KCNK2: variants seen among roughly 807,000 people sequenced by gnomAD.
KCNK2 encodes the protein potassium two pore domain channel subfamily K member 2, also known as potassium channel subfamily K member 2.
In KCNK2, 21 loss-of-function variants were observed where a neutral mutation model predicts 40.5. That is an observed-to-expected ratio of 0.52 (90% CI 0.37 to 0.75). The LOEUF (loss-of-function observed/expected upper bound fraction) is 0.75, where lower values mean the gene tolerates loss of function less well. KCNK2 is among the 30% of genes least tolerant of loss of function. The probability of loss-of-function intolerance (pLI) is 0.00; values close to 1 mark genes in which losing one functional copy is unlikely to be tolerated. For missense variants in KCNK2, 399 were observed against 531.6 expected (o/e 0.75, Z 2.45); for synonymous variants, 191 against 202.2 (o/e 0.94, Z 0.47).
chr1:215,234,693 C>G (rs1294230593), intron 6 of KCNK2, 135 bp from the exon 7 acceptor site: 1 of 763,540 alleles, frequency 1.3e-6, no homozygotes, highest in African/African-American at 1.7e-5. Context: ...CATCAATTCT[C>G]AGACCACCAG....
intron 3 of KCNK2, among the ~76,000 whole-genome samples, chr1:215,165,427 A>G (rs1444930199): frequency 6.6e-6 from 1 of 152,158 alleles, no homozygotes; most frequent in East Asian, 1.9e-4. Flanking sequence ...AACATTCAGA[A>G]CATAGTGGAA....
Position 215,083,268 on chromosome 1 carries a change from C to T in KCNK2, c.-118C>T, listed in dbSNP as rs377170755. On this transcript the variant is annotated 5_prime_UTR_variant, in exon 1 of 7. Coordinates refer to ENST00000444842, the MANE Select transcript of KCNK2 (RefSeq NM_001017425.3). ...AAACAAAGCCGGGGAAAATGCCTGC[C>T]CGTGCAGCTCGGAGCGCGCAGCCCG... 5.8e-5 allele frequency: 93 copies of T among 1,612,146 alleles called. 1 individual carries two copies. In the South Asian group the frequency reaches 8.1e-4, roughly 14 times the overall value.
intron 3 of KCNK2, among the ~76,000 whole-genome samples, chr1:215,127,797 T>G (rs545104102): frequency 6.6e-6 from 1 of 152,322 alleles, no homozygotes; most frequent in African/African-American, 2.4e-5. Context: ...TTTTTGAAAC[T>G]AAAAACAAAT....
chr1:215,122,233 T>G (rs976561226), intron 2 of KCNK2, among the ~76,000 whole-genome samples: 1 of 152,162 alleles, frequency 6.6e-6, no homozygotes, highest in Non-Finnish European at 1.5e-5. Context: ...ACTTTTTCAT[T>G]TATAGATTTC....
At chr1:215,170,693 C>T (rs1321557832) in intron 4 of KCNK2, among the ~76,000 whole-genome samples, 1 of 151,950 alleles carries the variant, frequency 6.6e-6, no homozygotes, top group Non-Finnish European at 1.5e-5. Flanking sequence ...ACAGTTATTC[C>T]AAAATTGGAG....
chr1:215,141,889 C>G (rs958357015), intron 3 of KCNK2, among the ~76,000 whole-genome samples: 1 of 152,120 alleles, frequency 6.6e-6, no homozygotes, highest in Non-Finnish European at 1.5e-5. Context: ...ATTATAGTTT[C>G]AGCTATTCTA....
At chr1:215,022,679 C>T (rs1407215979) in intron 1 of KCNK2, among the ~76,000 whole-genome samples, 2 of 152,138 alleles carry the variant, frequency 1.3e-5, no homozygotes, top group African/African-American at 4.8e-5. Context: ...TGCAACCTTC[C>T]TTCTGCCTAA....
chr1:215,224,556 AT>A (rs201566432), intron 6 of KCNK2, among the ~76,000 whole-genome samples: 1,637 of 152,164 alleles, frequency 0.011, 29 homozygotes, highest in African/African-American at 0.036. Flanking sequence ...AATGAAAAAA[AT>A]TTTTTTTCAA....
chr1:215,198,455 A>G (rs1476531136), intron 6 of KCNK2, among the ~76,000 whole-genome samples: 1 of 152,240 alleles, frequency 6.6e-6, no homozygotes, highest in Non-Finnish European at 1.5e-5. Context: ...TCAAAATATT[A>G]TCATGGCCAA....
exon 1 of KCNK2, chr1:215,005,873 C>T (rs1308925350): frequency 2.0e-5 from 31 of 1,566,146 alleles, no homozygotes; most frequent in East Asian, 6.7e-5. Flanking sequence ...GGAGGAAGAA[C>T]GGCATTAAAG....
intron 3 of KCNK2, among the ~76,000 whole-genome samples, chr1:215,124,986 C>A (rs765001433): frequency 1.3e-5 from 2 of 152,128 alleles, no homozygotes; most frequent in Non-Finnish European, 2.9e-5. Context: ...AGAAGCAATG[C>A]AGCAGTCATT....
chr1:215,071,798 C>A (rs1317525243), intron 1 of KCNK2, among the ~76,000 whole-genome samples: 1 of 152,026 alleles, frequency 6.6e-6, no homozygotes, highest in Admixed American at 6.6e-5. Flanking sequence ...ATACCTGGAG[C>A]TCCAGGAAGG....
At chr1:215,184,105 GGGTGCATCACTCT>G (rs1664334178) in intron 5 of KCNK2, among the ~76,000 whole-genome samples, 1 of 152,148 alleles carries the variant, frequency 6.6e-6, no homozygotes, top group Non-Finnish European at 1.5e-5. Context: ...TGGGAAAGGA[GGGTGCATCACTCT>G]GCTGAAGATC....
At chr1:215,190,976 T>TC (rs1025517020) in intron 5 of KCNK2, among the ~76,000 whole-genome samples, 4 of 151,864 alleles carry the variant, frequency 2.6e-5, no homozygotes, top group Non-Finnish European at 5.9e-5. Context: ...TTTCTTTCTT[T>TC]CTTTTTTTTT....
chr1:215,147,425 C>G (rs1326118099), intron 3 of KCNK2, among the ~76,000 whole-genome samples: 1 of 152,194 alleles, frequency 6.6e-6, no homozygotes, highest in Non-Finnish European at 1.5e-5. Context: ...GATCTTTTCA[C>G]AAAGATATTG....
At chr1:215,232,947 T>C (rs755051414) in intron 6 of KCNK2, among the ~76,000 whole-genome samples, 46 of 152,232 alleles carry the variant, frequency 3.0e-4, no homozygotes, top group Non-Finnish European at 1.5e-4. Flanking sequence ...TTTGTAAGTG[T>C]GCATGAAATT....
intron 2 of KCNK2, among the ~76,000 whole-genome samples, chr1:215,102,929 C>G (rs1450389625): frequency 1.3e-5 from 2 of 151,922 alleles, no homozygotes; most frequent in African/African-American, 4.8e-5. Context: ...ATGCATTTTT[C>G]AGAACAGACC....
chr1:215,184,106 G>T (rs1664334023), intron 5 of KCNK2, among the ~76,000 whole-genome samples: 1 of 152,028 alleles, frequency 6.6e-6, no homozygotes, highest in South Asian at 2.1e-4. Flanking sequence ...GGGAAAGGAG[G>T]GTGCATCACT....
rs754004507 is a variant in KCNK2 at position 215,172,024 on chromosome 1, C to T, written c.664C>T (p.Arg222Cys). The T allele has an allele frequency of 5.6e-6, 9 of 1,612,684 alleles. No individual in the cohort carries two copies. The highest frequency in any genetic ancestry group is 3.3e-5 in the Admixed American group (2 of 59,808). The change falls in exon 5 of 7, where the codon CGC becomes TGC. Residue 222 changes from arginine (R) to cysteine (C), a missense_variant. Transcript: ENST00000444842. ...GTGGAATGTTAGTCAGACCAAGATT[C>T]GCATCATCTCAACAATCATATTTAT... is the stretch of plus-strand genomic sequence containing the variant. The part of the protein sequence containing the change: ...IKWNVSQTKI[R>C]IISTIIFILF...
Sources: allele counts gnomAD v4.1 joint callset (sites outside exome capture counted in the v4.1 genomes callset), GRCh38; gene constraint gnomAD v4.1.1; transcripts MANE v1.5; gene names NCBI Gene and HGNC (gene_info 2026-07-23, HGNC 2026-07-21).